Variants in EIF4H observed in about 807,000 individuals in gnomAD.
The protein encoded by EIF4H is Williams-Beuren syndrome chromosome region 1.
In EIF4H, 8 loss-of-function variants were observed where a neutral mutation model predicts 30.6. That is an observed-to-expected ratio of 0.26 (90% CI 0.15 to 0.47). The LOEUF is 0.47. Among genes scored for constraint, EIF4H ranks in the 20% least tolerant of loss-of-function variants. The pLI is 0.99. For missense variants in EIF4H, 188 were observed against 339.5 expected (o/e 0.55, Z 3.51); for synonymous variants, 106 against 122.7 (o/e 0.86, Z 0.90).
Position 74,195,613 on chromosome 7 carries a change from G to A in EIF4H, c.*305G>A, listed in dbSNP as rs1197843498. 7.7e-6 allele frequency: 2 copies of A among 258,340 alleles called. No individual in the cohort carries two copies. Among genetic ancestry groups the A allele is most frequent in the Non-Finnish European group, 1.5e-5 (2 of 134,976 alleles). The allele number at this position is 258,340 out of a possible 1,614,324, so 16.0% of individuals were successfully genotyped here. ...GCAGCACATGGGGTTCCTCGGAGGA[G>A]CAGAGGTGGCCGCCGTGGGGGGGCG... On this transcript the variant is annotated 3_prime_UTR_variant, in exon 7 of 7. Coordinates refer to ENST00000265753, the MANE Select transcript of EIF4H (RefSeq NM_022170.2).
At chr7:74,188,220 C>T (rs1415252192) in intron 2 of EIF4H, among the ~76,000 whole-genome samples, 2 of 152,216 alleles carry the variant, frequency 1.3e-5, no homozygotes, top group African/African-American at 4.8e-5. Flanking sequence ...AGAAGAGAAG[C>T]AGCCAGTGCT....
At chr7:74,192,013 T>C (rs1270140348) in intron 5 of EIF4H, among the ~76,000 whole-genome samples, 1 of 152,046 alleles carries the variant, frequency 6.6e-6, no homozygotes, top group Non-Finnish European at 1.5e-5. Context: ...TCTCCTGACC[T>C]CGTGATCCAC....
intron 1 of EIF4H, among the ~76,000 whole-genome samples, chr7:74,179,585 T>C (rs1043907424): frequency 2.7e-5 from 4 of 150,180 alleles, no homozygotes; most frequent in East Asian, 2.0e-4. Flanking sequence ...TGAGCCCAGA[T>C]TGCGCCACTG....
chr7:74,186,668 A>G (rs951140801), intron 1 of EIF4H, among the ~76,000 whole-genome samples: 1 of 151,988 alleles, frequency 6.6e-6, no homozygotes, highest in Non-Finnish European at 1.5e-5. Flanking sequence ...CGCCATACGC[A>G]TGTATTTGAG....
At chr7:74,194,639 A>C in intron 5 of EIF4H, 102 bp from the exon 6 acceptor site, 2 of 1,436,104 alleles carry the variant, frequency 1.4e-6, no homozygotes, top group Non-Finnish European at 1.8e-6. Flanking sequence ...GGACAAACTA[A>C]AGAATTTAAA....
intron 1 of EIF4H, among the ~76,000 whole-genome samples, chr7:74,181,283 C>G (rs1390991719): frequency 6.6e-6 from 1 of 152,096 alleles, no homozygotes; most frequent in Admixed American, 6.6e-5. Context: ...GTCACCTATC[C>G]TTCTAAAATA....
chr7:74,180,707 T>C (rs1330671407), intron 1 of EIF4H, among the ~76,000 whole-genome samples: 2 of 152,172 alleles, frequency 1.3e-5, no homozygotes, highest in Non-Finnish European at 2.9e-5. Context: ...TGAAACTTCA[T>C]CTTAGGAGGA....
At chr7:74,174,817 G>A (rs1212136583) in intron 1 of EIF4H, among the ~76,000 whole-genome samples, 1 of 152,230 alleles carries the variant, frequency 6.6e-6, no homozygotes, top group Non-Finnish European at 1.5e-5. Context: ...CGGGCCACAC[G>A]GCCTGCCCCG....
rs1801163562 is a variant in EIF4H, at chr7:74,189,814, A to G, written c.313-8A>G. 6.2e-7 allele frequency: 1 copy of G among 1,614,058 alleles called. No individual in the cohort carries two copies. The highest frequency in any genetic ancestry group is 8.5e-7 in the Non-Finnish European group (1 of 1,180,002). ...CCAATACTTACACTATTTTCCCTTT[A>G]TCATTAGCTGTTGGGCGATCGGTCA... is the stretch of plus-strand genomic sequence containing the variant. On this transcript the variant is annotated splice_polypyrimidine_tract_variant and splice_region_variant and intron_variant, in intron 3 of 6. Transcript: ENST00000265753.
At chr7:74,176,400 G>A (rs1800840976) in intron 1 of EIF4H, among the ~76,000 whole-genome samples, 1 of 152,014 alleles carries the variant, frequency 6.6e-6, no homozygotes, top group African/African-American at 2.4e-5. Flanking sequence ...ACCGCGCCCG[G>A]CCTCAATTAT....
chr7:74,178,813 A>G (rs185524889), intron 1 of EIF4H, among the ~76,000 whole-genome samples: 2 of 152,312 alleles, frequency 1.3e-5, no homozygotes, highest in East Asian at 3.9e-4. Flanking sequence ...ATGTACGTCT[A>G]AGACTTCTTT....
intron 5 of EIF4H, 58 bp from the exon 6 acceptor site, chr7:74,194,683 A>G (rs1554710427): frequency 2.0e-6 from 3 of 1,501,606 alleles, no homozygotes; most frequent in East Asian, 2.4e-5. Context: ...ACATTATTCT[A>G]TAAGCAGCTT....
intron 1 of EIF4H, among the ~76,000 whole-genome samples, chr7:74,187,155 C>A (rs1013304535): frequency 6.6e-6 from 1 of 152,162 alleles, no homozygotes; most frequent in Admixed American, 6.5e-5. Context: ...TTGGGCTGGG[C>A]ATGGTGGCTC....
At chr7:74,187,493 A>T in intron 1 of EIF4H, 118 bp from the exon 2 acceptor site, 1 of 1,034,272 alleles carries the variant, frequency 9.7e-7, no homozygotes, top group Non-Finnish European at 1.3e-6. Context: ...GTCTTGTGGT[A>T]CATCGAGCAG....
intron 6 of EIF4H, 69 bp from the exon 7 acceptor site, chr7:74,195,100 C>G (rs1801314014): frequency 1.3e-6 from 2 of 1,584,262 alleles, no homozygotes; most frequent in Non-Finnish European, 8.6e-7. Flanking sequence ...ACAGCAACAT[C>G]AGCATGGTCG....
At chr7:74,174,475 C>A in intron 1 of EIF4H, 33 bp downstream of exon 1, 2 of 1,382,280 alleles carry the variant, frequency 1.4e-6, no homozygotes, top group South Asian at 1.8e-5. Context: ...CCGTCGGGGG[C>A]TGCGGGACCG....
At chr7:74,190,380 G>GT in intron 5 of EIF4H, 74 bp downstream of exon 5, 2 of 1,451,062 alleles carry the variant, frequency 1.4e-6, no homozygotes, top group Non-Finnish European at 9.7e-7. Flanking sequence ...CTTACGAGTA[G>GT]CCCGCCTGGC....
chr7:74,177,870 T>G (rs1472401672), intron 1 of EIF4H, among the ~76,000 whole-genome samples: 3 of 152,212 alleles, frequency 2.0e-5, no homozygotes, highest in African/African-American at 7.2e-5. Context: ...AGTTCAGCCA[T>G]GTGTTAGTTG....
chr7:74,175,095 C>T (rs1554707478), intron 1 of EIF4H, among the ~76,000 whole-genome samples: 7 of 152,218 alleles, frequency 4.6e-5, no homozygotes. Flanking sequence ...GTGCTACGTG[C>T]TCTTTGGCAC....
Sources: gnomAD v4.1 joint callset for allele counts (sites outside exome capture counted in the v4.1 genomes callset) on GRCh38, gnomAD v4.1.1 for gene constraint, MANE v1.5 for transcripts, NCBI Gene and HGNC (gene_info 2026-07-23, HGNC 2026-07-21) for gene names.